The following CSGALNACT2 variants were observed in gnomAD, a reference collection of about 807,000 sequenced individuals.
CSGALNACT2 encodes beta 4 GalNAcT-2.
A neutral mutation model predicts 55.3 loss-of-function variants in CSGALNACT2; 35 were observed. That is an observed-to-expected ratio of 0.63 (90% CI 0.48 to 0.84). The LOEUF is 0.84. CSGALNACT2 is among the 40% of genes least tolerant of loss of function. The pLI is 0.00. For missense variants in CSGALNACT2, 544 were observed against 657.5 expected (o/e 0.83, Z 1.89); for synonymous variants, 196 against 224.9 (o/e 0.87, Z 1.15).
intron 7 of CSGALNACT2, among the ~76,000 whole-genome samples, chr10:43,181,408 T>C (rs1169062715): frequency 6.6e-6 from 1 of 152,246 alleles, no homozygotes; most frequent in African/African-American, 2.4e-5. Flanking sequence ...TGATGACTTC[T>C]AGCTCCAGGC....
intron 1 of CSGALNACT2, among the ~76,000 whole-genome samples, chr10:43,141,624 CAAAAAAAAAAAAAA>C (rs58889701): frequency 1.2e-4 from 8 of 68,906 alleles, no homozygotes; most frequent in African/African-American, 1.8e-4. Flanking sequence ...GAAACTGTCT[CAAAAAAAAAAAAAA>C]AAAAAAAAAA....
Position 43,183,370 on chromosome 10 carries a change from A to G in CSGALNACT2, c.1457A>G (p.His486Arg). 6.2e-7 allele frequency: 1 copy of G among 1,614,150 alleles called. No homozygotes were observed. Among genetic ancestry groups the G allele is most frequent in the Non-Finnish European group, 8.5e-7 (1 of 1,180,008 alleles). ...TPVPGLFHLW[H>R]EKRCADELTP... ...GTTCCTGGTCTTTTCCACCTCTGGC[A>G]TGAAAAGCGCTGTGCTGATGAGCTG... The change falls in exon 8 of 8, where the codon CAT becomes CGT. Residue 486 changes from histidine to arginine, a missense_variant. His to Arg is a conservative substitution (Grantham distance 29). Transcript: ENST00000374466.
intron 2 of CSGALNACT2, among the ~76,000 whole-genome samples, chr10:43,157,418 AC>A (rs1839038476): frequency 6.6e-6 from 1 of 152,192 alleles, no homozygotes; most frequent in Admixed American, 6.5e-5. Context: ...GAGAATAATT[AC>A]TAATAATTAG....
intron 4 of CSGALNACT2, chr10:43,162,347 A>G (rs2133126368): frequency 9.1e-7 from 1 of 1,100,928 alleles, no homozygotes; most frequent in East Asian, 4.8e-5. Context: ...TCTTGAGCCA[A>G]TCACTATGGC....
At chr10:43,163,022 C>T in intron 4 of CSGALNACT2, 1 of 985,246 alleles carries the variant, frequency 1.0e-6, no homozygotes, top group Non-Finnish European at 1.2e-6. Flanking sequence ...TCTCACTGTT[C>T]CCATTTTAGG....
intron 1 of CSGALNACT2, among the ~76,000 whole-genome samples, chr10:43,145,487 A>G (rs760862166): frequency 6.9e-6 from 1 of 145,770 alleles, no homozygotes; most frequent in Non-Finnish European, 1.5e-5. Context: ...GCAGCTTTGA[A>G]CTCCTGGGCT....
In CSGALNACT2 at chr10:43,155,219, A is replaced by G; in HGVS notation, c.70A>G (p.Ser24Gly). 4 of 1,614,152 alleles carry G rather than the reference A, an allele frequency of 2.5e-6. No homozygotes were observed. Among genetic ancestry groups the G allele is most frequent in the Non-Finnish European group, 3.4e-6 (4 of 1,180,010 alleles). ...GCTGTTGGGCCTTGCTTTGCTCTGCAGTTTGGTATTATTTATGTACCTCCT... is the reference window on the plus strand; with the variant it reads ...GCTGTTGGGCCTTGCTTTGCTCTGCGGTTTGGTATTATTTATGTACCTCCT... ...WLLLGLALLC[S>G]LVLFMYLLEC... The change falls in exon 2 of 8, where the codon AGT becomes GGT. Residue 24 changes from serine to glycine, a missense_variant. Physicochemically the swap from Ser to Gly is moderately conservative, Grantham distance 56. This residue lies in a region of CSGALNACT2 where 374 missense variants were observed against 401.3 expected (regional missense o/e 0.93). Transcript: ENST00000374466.
At chr10:43,146,199 A>C (rs1419321423) in intron 1 of CSGALNACT2, among the ~76,000 whole-genome samples, 1 of 152,198 alleles carries the variant, frequency 6.6e-6, no homozygotes, top group Non-Finnish European at 1.5e-5. Context: ...TACGAGTCCC[A>C]AAAGTAGGGA....
chr10:43,166,512 C>T (rs996860748), intron 5 of CSGALNACT2, among the ~76,000 whole-genome samples: 3 of 152,174 alleles, frequency 2.0e-5, no homozygotes, highest in Admixed American at 6.5e-5. Flanking sequence ...CTTGTCTTCC[C>T]GACTTTTCCA....
intron 1 of CSGALNACT2, among the ~76,000 whole-genome samples, chr10:43,153,496 T>TA (rs138924997): frequency 0.044 from 6,593 of 150,756 alleles, 175 homozygotes; most frequent in South Asian, 0.089. Flanking sequence ...ACAGACATGT[T>TA]ACCAAAAAAA....
intron 1 of CSGALNACT2, among the ~76,000 whole-genome samples, chr10:43,140,209 A>C (rs1488817194): frequency 6.6e-6 from 1 of 152,198 alleles, no homozygotes; most frequent in Non-Finnish European, 1.5e-5. Flanking sequence ...TACTGTGGAC[A>C]TTCTTGTAAA....
chr10:43,157,273 C>T (rs1839033844), intron 2 of CSGALNACT2, among the ~76,000 whole-genome samples: 1 of 152,160 alleles, frequency 6.6e-6, no homozygotes, highest in Non-Finnish European at 1.5e-5. Context: ...GGAGCTGTGC[C>T]AGTTTTATAT....
chr10:43,165,080 C>T (rs937955830), intron 5 of CSGALNACT2, among the ~76,000 whole-genome samples: 2 of 151,958 alleles, frequency 1.3e-5, no homozygotes, highest in African/African-American at 4.8e-5. Context: ...AAAAAATTAT[C>T]CGGTCGTGGT....
intron 1 of CSGALNACT2, among the ~76,000 whole-genome samples, chr10:43,143,572 G>T (rs910798992): frequency 6.7e-6 from 1 of 150,318 alleles, no homozygotes; most frequent in Non-Finnish European, 1.5e-5. Flanking sequence ...ATCTTGGAAG[G>T]AACATTGACT....
At chr10:43,163,167 G>A in intron 4 of CSGALNACT2, 1 of 985,198 alleles carries the variant, frequency 1.0e-6, no homozygotes, top group Non-Finnish European at 1.2e-6. Context: ...TTTAACCAAG[G>A]CATAACTCAC....
In CSGALNACT2 at chr10:43,183,411, C is replaced by T. The variant is rs1839629985; in HGVS notation, c.1498C>T (p.Arg500Cys). Residue 500 changes from arginine (R) to cysteine (C), a missense_variant, in exon 8 of 8, where the codon CGC becomes TGC. Physicochemically the swap from Arg to Cys is radical, Grantham distance 180 (BLOSUM62 -3). Transcript: ENST00000374466. ...TGATGAGCTGACCCCCGAGCAGTACCGCATGTGCATCCAGTCTAAAGCCAT... is the reference window on the plus strand; with the variant it reads ...TGATGAGCTGACCCCCGAGCAGTACTGCATGTGCATCCAGTCTAAAGCCAT... Reference protein sequence around the residue: ...CADELTPEQYRMCIQSKAMNE... With the variant: ...CADELTPEQYCMCIQSKAMNE... The T allele has an allele frequency of 1.1e-5, 17 of 1,614,134 alleles. No individual in the cohort carries two copies. Among genetic ancestry groups the T allele is most frequent in the East Asian group, 8.9e-5 (4 of 44,882 alleles).
At chr10:43,182,258 C>G (rs1839603198) in intron 7 of CSGALNACT2, among the ~76,000 whole-genome samples, 1 of 152,080 alleles carries the variant, frequency 6.6e-6, no homozygotes, top group African/African-American at 2.4e-5. Context: ...ATAGCACACA[C>G]TTGACAACTT....
intron 1 of CSGALNACT2, among the ~76,000 whole-genome samples, chr10:43,151,067 C>A (rs991040449): frequency 6.6e-6 from 1 of 152,108 alleles, no homozygotes; most frequent in African/African-American, 2.4e-5. Context: ...GTCATTCATA[C>A]CTCTACTTAA....
chr10:43,155,952 T>A, intron 2 of CSGALNACT2, 142 bp downstream of exon 2: 1 of 799,950 alleles, frequency 1.3e-6, no homozygotes. Context: ...AAGTCAGTCA[T>A]TATCCACAGT....
Sources: gnomAD v4.1 joint callset for allele counts (sites outside exome capture counted in the v4.1 genomes callset) on GRCh38, gnomAD v4.1.1 for gene constraint, gnomAD v4.1.1 regional missense constraint, MANE v1.5 for transcripts, NCBI Gene and HGNC (gene_info 2026-07-23, HGNC 2026-07-21) for gene names.